The following ENPEP variants were observed in gnomAD, a reference collection of about 807,000 sequenced individuals.
The protein encoded by ENPEP is AP-A.
ENPEP carries 103 observed loss-of-function variants against 114.5 expected under a neutral mutation model. That is an observed-to-expected ratio of 0.90 (90% CI 0.77 to 1.06). The LOEUF (loss-of-function observed/expected upper bound fraction) is 1.06. Ranked by LOEUF, ENPEP falls within the 50% of genes least tolerant of loss-of-function variation. The probability of loss-of-function intolerance (pLI) is 0.00; values close to 1 mark genes in which losing one functional copy is unlikely to be tolerated. For synonymous variants in ENPEP, 420 were observed against 422.0 expected, an observed-to-expected ratio of 1.00 and a Z score of 0.06; for missense variants, 1,196 against 1,161.3, an observed-to-expected ratio of 1.03 and a Z score of -0.43.
intron 17 of ENPEP, among the ~76,000 whole-genome samples, chr4:110,551,268 T>A (rs1307455407): frequency 6.6e-6 from 1 of 152,088 alleles, no homozygotes; most frequent in Non-Finnish European, 1.5e-5. Flanking sequence ...ATCCCACGAC[T>A]TTAGTGCAAT....
chr4:110,561,083 A>T (rs1727660340), intron 19 of ENPEP, among the ~76,000 whole-genome samples: 1 of 152,166 alleles, frequency 6.6e-6, no homozygotes, highest in Non-Finnish European at 1.5e-5. Context: ...TTTTCCAGGG[A>T]ACACCTTGGG....
At chr4:110,530,184 A>G (rs180732635) in intron 10 of ENPEP, among the ~76,000 whole-genome samples, 45 of 152,358 alleles carry the variant, frequency 3.0e-4, no homozygotes, top group African/African-American at 1.0e-3. Context: ...TATGAAACGT[A>G]TAGCCAAAAA....
chr4:110,533,127 T>C (rs1371914875), intron 11 of ENPEP: 4 of 451,214 alleles, frequency 8.9e-6, no homozygotes, highest in Admixed American at 7.1e-5. Context: ...CTGTTTGATT[T>C]ACTGTTTACA....
chr4:110,508,075 A>C (rs967926740), intron 4 of ENPEP, among the ~76,000 whole-genome samples: 22 of 152,168 alleles, frequency 1.4e-4, no homozygotes, highest in African/African-American at 5.1e-4. Flanking sequence ...AGAAGTGGAA[A>C]TCTCACAAAT....
intron 6 of ENPEP, among the ~76,000 whole-genome samples, chr4:110,512,093 A>T (rs1366059021): frequency 6.6e-6 from 1 of 152,154 alleles, no homozygotes. Flanking sequence ...CAGCAAATGG[A>T]GGACTCCAAA....
rs150465679 is a variant in ENPEP at position 110,527,288 on chromosome 4, G to A, written c.1728-3910G>A. Among the ~76,000 whole-genome samples, 203 of 152,146 alleles carry A rather than the reference G, an allele frequency of 1.3e-3. 1 individual carries two copies. The highest frequency in any genetic ancestry group is 4.7e-3 in the African/African-American group (194 of 41,494). Reference sequence around the variant, plus strand: ...ACTCAACTCGTTGAGGCTCATTTCCGGCCTCTCTTCCTGGAAACCTCAGAC... The same window carrying A: ...ACTCAACTCGTTGAGGCTCATTTCCAGCCTCTCTTCCTGGAAACCTCAGAC... On this transcript the variant is annotated intron_variant, in intron 10 of 19. Coordinates refer to ENST00000265162, the MANE Select transcript of ENPEP (RefSeq NM_001977.4).
intron 11 of ENPEP, among the ~76,000 whole-genome samples, chr4:110,542,099 G>T (rs1487030783): frequency 6.6e-6 from 1 of 152,096 alleles, no homozygotes; most frequent in East Asian, 1.9e-4. Flanking sequence ...GGAAGTAGAC[G>T]GCTTTACAAA....
chr4:110,519,025 T>A (rs897940282), intron 8 of ENPEP: 11 of 451,992 alleles, frequency 2.4e-5, no homozygotes, highest in African/African-American at 2.2e-4. Flanking sequence ...TTGTGCAACT[T>A]TCTGTAATGA....
Position 110,548,230 on chromosome 4 carries a change from G to A in ENPEP, c.2055G>A (p.Arg685=). ...VALNLTKYLK[R]EENFLPWQRV... ...TGAACTTGACCAAGTATCTCAAAAG[G>A]GAAGAGAATTTTTTACCATGGCAGA... is the stretch of plus-strand genomic sequence containing the variant. Residue 685 remains arginine, a synonymous_variant, in exon 14 of 20, where the codon AGG becomes AGA. Transcript: ENST00000265162. 6.3e-7 allele frequency: 1 copy of A among 1,592,582 alleles called. No individual in the cohort carries two copies. The highest frequency in any genetic ancestry group is 1.1e-5 in the South Asian group (1 of 88,948).
intron 11 of ENPEP, among the ~76,000 whole-genome samples, chr4:110,540,389 T>A (rs1002169908): frequency 6.6e-6 from 1 of 152,052 alleles, no homozygotes; most frequent in African/African-American, 2.4e-5. Flanking sequence ...AAGTGCTCCA[T>A]AAAGAATACA....
Position 110,559,712 on chromosome 4 carries a change from T to C in ENPEP, c.2708T>C (p.Leu903Pro), listed in dbSNP as rs760508355. Residue 903 changes from leucine (L) to proline (P), a missense_variant, in exon 19 of 20, where the codon CTG becomes CCG. Transcript: ENST00000265162. The stretch of plus-strand genomic sequence containing the variant: ...ATAGCAGAGCCATTCAACACTGAAC[T>C]GCAACTGTGGCAGGTATGAAGATAA... ...VTIAEPFNTELQLWQMESFFA... is the reference protein window; with the variant it reads ...VTIAEPFNTEPQLWQMESFFA... 6.2e-7 allele frequency: 1 copy of C among 1,613,360 alleles called. No individual in the cohort carries two copies. Among genetic ancestry groups the C allele is most frequent in the Non-Finnish European group, 8.5e-7 (1 of 1,179,328 alleles).
Position 110,476,567 on chromosome 4 carries a change from G to A in ENPEP, c.153G>A (p.Pro51=), listed in dbSNP as rs768527773. The part of the protein sequence containing the change: ...RSCDSSGDGG[P]GTAPAPSHLP... ...GTGACTCCAGCGGGGACGGCGGGCC[G>A]GGCACTGCGCCAGCTCCTTCCCACC... The change falls in exon 1 of 20, where the codon CCG becomes CCA. Residue 51 remains proline, a synonymous_variant. Coordinates refer to ENST00000265162, the MANE Select transcript of ENPEP (RefSeq NM_001977.4). 7.4e-6 allele frequency: 12 copies of A among 1,613,278 alleles called. No individual in the cohort carries two copies. The highest frequency in any genetic ancestry group is 4.4e-5 in the South Asian group (4 of 91,004).
chr4:110,502,562 T>C (rs1215118681), intron 3 of ENPEP, among the ~76,000 whole-genome samples: 2 of 152,212 alleles, frequency 1.3e-5, no homozygotes, highest in Admixed American at 6.5e-5. Flanking sequence ...CTGTCAACTT[T>C]GTTGAAGATC....
intron 3 of ENPEP, among the ~76,000 whole-genome samples, chr4:110,502,355 T>C (rs1725195010): frequency 6.6e-6 from 1 of 152,196 alleles, no homozygotes; most frequent in African/African-American, 2.4e-5. Flanking sequence ...CTTTGCCAGG[T>C]CCTATGTCTG....
At chr4:110,490,093 AC>A (rs1724648975) in intron 2 of ENPEP, among the ~76,000 whole-genome samples, 1 of 152,194 alleles carries the variant, frequency 6.6e-6, no homozygotes, top group African/African-American at 2.4e-5. Flanking sequence ...TGGCAAAGTC[AC>A]CAACTTCTGC....
chr4:110,523,804 A>G (rs553868247), intron 10 of ENPEP, among the ~76,000 whole-genome samples: 78 of 152,296 alleles, frequency 5.1e-4, no homozygotes, highest in African/African-American at 1.8e-3. Flanking sequence ...GTGTGCAGGA[A>G]CGGCTGTCTT....
chr4:110,495,291 C>A (rs943052945), intron 3 of ENPEP, among the ~76,000 whole-genome samples: 4 of 152,040 alleles, frequency 2.6e-5, no homozygotes, highest in African/African-American at 9.7e-5. Flanking sequence ...GGAAAATCCC[C>A]CGTATTAGTA....
At position 110,488,673 on chromosome 4, in the gene ENPEP, G is replaced by A. The variant is rs755833757; in HGVS notation, c.777G>A (p.Met259Ile). Residue 259 changes from methionine (M) to isoleucine (I), a missense_variant, in exon 2 of 20, where the codon ATG becomes ATA. By Grantham distance (10) the Met-to-Ile change is conservative. Transcript: ENST00000265162. ...HPKEYGALSN[M>I]PVAKEESVDD... ...AAGAATACGGAGCACTTTCAAATAT[G>A]CCAGTGGCGGTAAGTATTTTTTAAA... 1 of 1,609,420 alleles carries A rather than the reference G, an allele frequency of 6.2e-7. No individual in the cohort carries two copies. The highest frequency in any genetic ancestry group is 8.5e-7 in the Non-Finnish European group (1 of 1,178,780).
At chr4:110,552,531 A>G (rs562944962) in intron 17 of ENPEP, among the ~76,000 whole-genome samples, 1 of 152,312 alleles carries the variant, frequency 6.6e-6, no homozygotes, top group Non-Finnish European at 1.5e-5. Flanking sequence ...GAATTAAGCC[A>G]ATGGGTAGGA....
Sources: gnomAD v4.1 joint callset for allele counts (sites outside exome capture counted in the v4.1 genomes callset) on GRCh38, gnomAD v4.1.1 for gene constraint, MANE v1.5 for transcripts, NCBI Gene and HGNC (gene_info 2026-07-23, HGNC 2026-07-21) for gene names.